SLC9C2: variants seen among roughly 807,000 people sequenced by gnomAD.
SLC9C2 encodes the protein sodium/hydrogen exchanger 11.
SLC9C2 carries 75 observed loss-of-function variants against 140.2 expected under a neutral mutation model. The ratio of observed to expected loss-of-function variants is 0.53; its 90% CI spans 0.44 to 0.65. SLC9C2 has a LOEUF of 0.65. SLC9C2 is among the 30% of genes least tolerant of loss of function. The probability of loss-of-function intolerance (pLI) is 0.00; values close to 1 mark genes in which losing one functional copy is unlikely to be tolerated. For synonymous variants in SLC9C2, 375 were observed against 420.9 expected (o/e 0.89, Z 1.34); for missense variants, 1,074 against 1,331.8 (o/e 0.81, Z 3.01).
chr1:173,563,942 G>C (rs12066747), intron 9 of SLC9C2, among the ~76,000 whole-genome samples: 25,111 of 152,028 alleles, frequency 0.17, 6,846 homozygotes, highest in African/African-American at 0.57. Context: ...ACAAATAAGT[G>C]AAAACATGTG....
chr1:173,526,706 A>C lies in SLC9C2; in HGVS notation c.2322T>G (p.Cys774Trp), dbSNP rs779293895. The change falls in exon 19 of 28, where the codon TGT becomes TGG. Residue 774 changes from cysteine to tryptophan, a missense_variant. Transcript: ENST00000367714. Reference sequence around the variant, plus strand: ...CCTGTTTGTTGGTTTCCAAAATTTCACATAGTTTCTGTAAAAAATTAAGAA... The same window carrying C: ...CCTGTTTGTTGGTTTCCAAAATTTCCCATAGTTTCTGTAAAAAATTAAGAA... ...AVCESIYQKLCEILETNKQDA... is the reference protein window; with the variant it reads ...AVCESIYQKLWEILETNKQDA... The C allele has an allele frequency of 3.8e-5, 61 of 1,589,926 alleles. 3 individuals are homozygous for C. In the Admixed American group the frequency reaches 4.1e-4, roughly 11 times the overall value.
intron 23 of SLC9C2, among the ~76,000 whole-genome samples, chr1:173,516,843 G>A (rs1660457761): frequency 6.6e-6 from 1 of 152,182 alleles, no homozygotes; most frequent in African/African-American, 2.4e-5. Flanking sequence ...TAATGGGATT[G>A]CTGGGTCAAT....
chr1:173,582,010 T>C lies in SLC9C2; in HGVS notation c.641-2A>G. 2.7e-6 allele frequency: 4 copies of C among 1,505,628 alleles called. No individual in the cohort carries two copies. The highest frequency in any genetic ancestry group is 1.3e-5 in the South Asian group (1 of 74,656). The allele number at this position is 1,505,628 out of a possible 1,614,324, so 93.3% of individuals were successfully genotyped here. ...TGAGTTCAATGCCTACATGTAAATCTAAAAAAAAGAAAGAAAAAATAAGAA... is the reference window on the plus strand; with the variant it reads ...TGAGTTCAATGCCTACATGTAAATCCAAAAAAAAGAAAGAAAAAATAAGAA... On this transcript the variant is annotated splice_acceptor_variant, in intron 6 of 27. Transcript: ENST00000367714. LOFTEE classifies it high-confidence loss of function.
At chr1:173,503,733 T>A (rs888765976) in intron 26 of SLC9C2, among the ~76,000 whole-genome samples, 1 of 152,238 alleles carries the variant, frequency 6.6e-6, no homozygotes, top group African/African-American at 2.4e-5. Context: ...TCTGCATTTT[T>A]AAAATGCAAA....
At chr1:173,523,860 T>C in intron 21 of SLC9C2, 109 bp downstream of exon 21, 1 of 1,428,684 alleles carries the variant, frequency 7.0e-7, no homozygotes, top group Non-Finnish European at 9.3e-7. Context: ...TGGCTTTCCC[T>C]GAATTGGCCA....
intron 17 of SLC9C2, 50 bp downstream of exon 17, chr1:173,533,559 T>G (rs1661737263): frequency 7.1e-7 from 1 of 1,410,076 alleles, no homozygotes; most frequent in Non-Finnish European, 9.8e-7. Flanking sequence ...ATTATAGGTG[T>G]GAGCTACCAC....
intron 4 of SLC9C2, among the ~76,000 whole-genome samples, chr1:173,588,417 G>C (rs776873253): frequency 6.9e-4 from 105 of 152,108 alleles, no homozygotes; most frequent in Admixed American, 1.0e-3. Flanking sequence ...AAAAATAGTT[G>C]TGTTATTCAA....
At chr1:173,564,403 G>A (rs1293174017) in intron 9 of SLC9C2, among the ~76,000 whole-genome samples, 1 of 152,108 alleles carries the variant, frequency 6.6e-6, no homozygotes, top group Non-Finnish European at 1.5e-5. Flanking sequence ...TTTTAACTGG[G>A]ATCAGATGAT....
intron 23 of SLC9C2, among the ~76,000 whole-genome samples, chr1:173,516,431 C>T (rs940659578): frequency 1.3e-5 from 2 of 151,932 alleles, no homozygotes; most frequent in South Asian, 2.1e-4. Flanking sequence ...GCCTAGTACC[C>T]GTAGTTATTT....
intron 22 of SLC9C2, among the ~76,000 whole-genome samples, chr1:173,519,823 T>C (rs1313331901): frequency 1.3e-5 from 2 of 152,150 alleles, no homozygotes; most frequent in Non-Finnish European, 2.9e-5. Context: ...AGTGAATTTT[T>C]TTTTTCTGTT....
intron 11 of SLC9C2, among the ~76,000 whole-genome samples, chr1:173,549,519 T>C (rs1192980203): frequency 1.3e-5 from 2 of 152,200 alleles, no homozygotes; most frequent in Non-Finnish European, 2.9e-5. Flanking sequence ...AGGGGAAATA[T>C]GAAGGCATGT....
intron 11 of SLC9C2, among the ~76,000 whole-genome samples, chr1:173,549,046 C>A (rs1355064531): frequency 4.6e-5 from 7 of 152,110 alleles, no homozygotes; most frequent in African/African-American, 1.7e-4. Context: ...TGTTTTCTGG[C>A]CAGTGAATCA....
At chr1:173,532,735 G>C (rs1661667477) in intron 17 of SLC9C2, among the ~76,000 whole-genome samples, 1 of 152,026 alleles carries the variant, frequency 6.6e-6, no homozygotes, top group Non-Finnish European at 1.5e-5. Context: ...CACTGTTCTG[G>C]AGGCAGAGGT....
At chr1:173,542,163 A>G (rs1662481376) in intron 13 of SLC9C2, among the ~76,000 whole-genome samples, 2 of 152,228 alleles carry the variant, frequency 1.3e-5, no homozygotes, top group African/African-American at 4.8e-5. Flanking sequence ...GCAATAAAAA[A>G]TGATAAAGGG....
At chr1:173,575,448 A>G (rs1665113610) in intron 8 of SLC9C2, among the ~76,000 whole-genome samples, 1 of 152,170 alleles carries the variant, frequency 6.6e-6, no homozygotes, top group South Asian at 2.1e-4. Context: ...CATTACACCA[A>G]GTAGATGTTC....
Position 173,534,309 on chromosome 1 carries a change from T to C in SLC9C2, c.1974+175A>G, listed in dbSNP as rs185029133. On this transcript the variant is annotated intron_variant, in intron 16 of 27. Transcript: ENST00000367714. ...CTGATGTCCAATACCATGACTCTTA[T>C]ACTAATTTCACTATTAAACTTGGAA... Among the ~76,000 whole-genome samples, 410 of 152,234 alleles carry C rather than the reference T, an allele frequency of 2.7e-3. 1 individual carries two copies. The highest frequency in any genetic ancestry group is 9.2e-3 in the African/African-American group (384 of 41,572).
chr1:173,515,676 T>C (rs1660367884), intron 23 of SLC9C2, among the ~76,000 whole-genome samples: 2 of 152,226 alleles, frequency 1.3e-5, no homozygotes, highest in Non-Finnish European at 2.9e-5. Flanking sequence ...TCATCCATCT[T>C]GTCCTCCATC....
chr1:173,582,128 T>C, intron 6 of SLC9C2, 120 bp from the exon 7 acceptor site: 1 of 680,008 alleles, frequency 1.5e-6, no homozygotes, highest in Non-Finnish European at 2.3e-6. Context: ...GTGGACACCT[T>C]ATTTGTCAGC....
At chr1:173,505,412 A>C in intron 25 of SLC9C2, 81 bp from the exon 26 acceptor site, 1 of 1,091,064 alleles carries the variant, frequency 9.2e-7, no homozygotes, top group Non-Finnish European at 1.4e-6. Context: ...TCCAAAGAGT[A>C]TAAAAAATAA....
Sources: allele counts gnomAD v4.1 joint callset (sites outside exome capture counted in the v4.1 genomes callset), GRCh38; gene constraint gnomAD v4.1.1; transcripts MANE v1.5; gene names NCBI Gene and HGNC (gene_info 2026-07-23, HGNC 2026-07-21).